Variants in ADAMTS17 observed in about 807,000 individuals in gnomAD.
The protein encoded by ADAMTS17 is A disintegrin and metalloproteinase with thrombospondin motifs 17.
Under a neutral mutation model 141.5 loss-of-function variants are expected in ADAMTS17, and 113 were observed. The observed-to-expected ratio is 0.80, with a 90% CI of 0.69 to 0.93. The LOEUF (loss-of-function observed/expected upper bound fraction) is 0.93. ADAMTS17 is among the 40% of genes least tolerant of loss of function. The probability of loss-of-function intolerance (pLI) is 0.00; values close to 1 mark genes in which losing one functional copy is unlikely to be tolerated. For missense variants in ADAMTS17, 1,659 were observed against 1,517.9 expected (o/e 1.09, Z -1.54); for synonymous variants, 768 against 630.6 (o/e 1.22, Z -3.27).
At chr15:100,273,304 G>C (rs1387104222) in intron 4 of ADAMTS17, among the ~76,000 whole-genome samples, 1 of 152,120 alleles carries the variant, frequency 6.6e-6, no homozygotes, top group Non-Finnish European at 1.5e-5. Flanking sequence ...GTTTGGTATA[G>C]TTTACCAATG....
At chr15:100,188,004 A>G (rs2040782114) in intron 8 of ADAMTS17, among the ~76,000 whole-genome samples, 2 of 152,072 alleles carry the variant, frequency 1.3e-5, no homozygotes, top group South Asian at 4.1e-4. Flanking sequence ...GGGGCACTTG[A>G]GTCCAGGGGT....
chr15:100,292,424 C>T (rs1374149724), intron 3 of ADAMTS17, among the ~76,000 whole-genome samples: 1 of 142,946 alleles, frequency 7.0e-6, no homozygotes, highest in Non-Finnish European at 1.5e-5. Context: ...GTTAGAGACA[C>T]TCACCCCGTG....
chr15:100,211,099 C>CAAATAAATAAATAAATAAATAAAT (rs372084235), intron 7 of ADAMTS17, among the ~76,000 whole-genome samples: 2 of 131,868 alleles, frequency 1.5e-5, no homozygotes, highest in African/African-American at 2.8e-5. Flanking sequence ...GACTCAGTCT[C>CAAATAAATAAATAAATAAATAAAT]AAATAAATAA....
chr15:100,047,025 AG>A (rs2031744811), intron 18 of ADAMTS17, among the ~76,000 whole-genome samples: 1 of 152,080 alleles, frequency 6.6e-6, no homozygotes, highest in Admixed American at 6.6e-5. Context: ...TTTCTCAGCA[AG>A]GAACATCCCT....
intron 11 of ADAMTS17, 132 bp downstream of exon 11, chr15:100,133,082 G>T: frequency 1.2e-6 from 1 of 806,258 alleles, no homozygotes; most frequent in Non-Finnish European, 2.0e-6. Context: ...TGGCCTCCAT[G>T]GGCATTTCTG....
intron 12 of ADAMTS17, among the ~76,000 whole-genome samples, chr15:100,123,945 C>A (rs750644250): frequency 6.6e-6 from 1 of 151,256 alleles, no homozygotes; most frequent in Non-Finnish European, 1.5e-5. Flanking sequence ...TACTATCAAT[C>A]GTTTCTAGTT....
chr15:100,175,132 A>G (rs1363891598), intron 8 of ADAMTS17, among the ~76,000 whole-genome samples: 1 of 152,194 alleles, frequency 6.6e-6, no homozygotes, highest in Non-Finnish European at 1.5e-5. Flanking sequence ...TTTGGAGTGA[A>G]ACAAGAATCA....
intron 12 of ADAMTS17, among the ~76,000 whole-genome samples, chr15:100,130,980 T>C (rs2038008314): frequency 6.6e-6 from 1 of 152,036 alleles, no homozygotes; most frequent in Non-Finnish European, 1.5e-5. Context: ...TGCCCATCAA[T>C]GATAGACTGG....
At chr15:100,311,010 T>C (rs980665555) in intron 3 of ADAMTS17, among the ~76,000 whole-genome samples, 9 of 152,374 alleles carry the variant, frequency 5.9e-5, no homozygotes, top group Admixed American at 5.2e-4. Context: ...TGAGACTTTC[T>C]GCTAGGCTTT....
chr15:99,988,315 G>A (rs78775499), intron 20 of ADAMTS17, among the ~76,000 whole-genome samples: 6,550 of 152,066 alleles, frequency 0.043, 479 homozygotes, highest in African/African-American at 0.15. Flanking sequence ...ACCAAGAGCT[G>A]GTTGTTTAAA....
intron 18 of ADAMTS17, among the ~76,000 whole-genome samples, chr15:100,014,346 A>G (rs760446531): frequency 6.6e-6 from 1 of 151,626 alleles, no homozygotes; most frequent in Non-Finnish European, 1.5e-5. Flanking sequence ...CTTTTTGTTT[A>G]TCTTTTTTTA....
intron 13 of ADAMTS17, among the ~76,000 whole-genome samples, chr15:100,115,493 T>A (rs2037059789): frequency 6.6e-6 from 1 of 152,072 alleles, no homozygotes; most frequent in African/African-American, 2.4e-5. Flanking sequence ...TTCAAATGAG[T>A]CCTCATCTGA....
chr15:100,001,406 G>A (rs1053869440), intron 18 of ADAMTS17, among the ~76,000 whole-genome samples: 5 of 151,210 alleles, frequency 3.3e-5, no homozygotes, highest in Admixed American at 2.0e-4. Flanking sequence ...AGAATTTTTA[G>A]GGCAGTGAAA....
chr15:100,232,532 C>T (rs111852509), intron 7 of ADAMTS17, among the ~76,000 whole-genome samples: 6 of 152,356 alleles, frequency 3.9e-5, no homozygotes, highest in African/African-American at 9.6e-5. Flanking sequence ...ATGAAACACG[C>T]TGGTGGGACG....
intron 4 of ADAMTS17, among the ~76,000 whole-genome samples, chr15:100,276,011 G>A (rs1382654245): frequency 3.6e-5 from 2 of 55,202 alleles, no homozygotes; most frequent in Admixed American, 2.2e-4. Flanking sequence ...GGGAGGGTGG[G>A]AGGGAGTAGG....
At chr15:100,302,370 G>A (rs190932570) in intron 3 of ADAMTS17, among the ~76,000 whole-genome samples, 17 of 152,242 alleles carry the variant, frequency 1.1e-4, no homozygotes, top group Admixed American at 5.2e-4. Flanking sequence ...TGCTATGGAC[G>A]TTCTTACTCA....
At chr15:100,204,885 C>G (rs1384796910) in intron 7 of ADAMTS17, among the ~76,000 whole-genome samples, 1 of 152,200 alleles carries the variant, frequency 6.6e-6, no homozygotes, top group Non-Finnish European at 1.5e-5. Context: ...GGCACATTCT[C>G]TAAGGAAGCC....
intron 10 of ADAMTS17, among the ~76,000 whole-genome samples, chr15:100,139,554 C>A (rs1366823642): frequency 6.6e-6 from 1 of 152,152 alleles, no homozygotes; most frequent in Admixed American, 6.5e-5. Context: ...GGTTGGGAAA[C>A]GGCTACAGAA....
At chr15:100,131,308 T>C (rs947270370) in intron 12 of ADAMTS17, among the ~76,000 whole-genome samples, 1 of 147,698 alleles carries the variant, frequency 6.8e-6, no homozygotes, top group Admixed American at 6.9e-5. Flanking sequence ...CCATGGCACG[T>C]GTATACCTAT....
Sources: gnomAD v4.1 joint callset for allele counts (sites outside exome capture counted in the v4.1 genomes callset) on GRCh38, gnomAD v4.1.1 for gene constraint, MANE v1.5 for transcripts, NCBI Gene and HGNC (gene_info 2026-07-23, HGNC 2026-07-21) for gene names.